Variants in STRN3 observed in about 807,000 individuals in gnomAD.
STRN3 encodes striatin 3.
STRN3 carries 29 observed loss-of-function variants against 95.6 expected under a neutral mutation model. The observed-to-expected ratio is 0.30, with a 90% confidence interval of 0.23 to 0.41. The LOEUF (loss-of-function observed/expected upper bound fraction) is 0.41. Ranked by LOEUF, STRN3 falls within the 10% of genes least tolerant of loss-of-function variation. The pLI is 1.00. For missense variants in STRN3, 890 were observed against 972.1 expected, an observed-to-expected ratio of 0.92 and a Z score of 1.12; for synonymous variants, 331 against 357.6, an observed-to-expected ratio of 0.93 and a Z score of 0.84.
At chr14:30,929,882 C>T (rs1414522941) in intron 7 of STRN3, among the ~76,000 whole-genome samples, 1 of 146,938 alleles carries the variant, frequency 6.8e-6, no homozygotes, top group Non-Finnish European at 1.5e-5. Context: ...TTCAGAGTCC[C>T]ACCTCTGCCC....
intron 1 of STRN3, among the ~76,000 whole-genome samples, chr14:30,972,770 C>T (rs1880898956): frequency 6.6e-6 from 1 of 152,210 alleles, no homozygotes. Context: ...TGCGCCACTG[C>T]ACTCCAGCTG....
intron 16 of STRN3, among the ~76,000 whole-genome samples, chr14:30,897,532 C>T (rs1314570574): frequency 6.6e-6 from 1 of 152,214 alleles, no homozygotes; most frequent in African/African-American, 2.4e-5. Context: ...CTGCAGTGAG[C>T]TGAGATCGTG....
At chr14:30,958,088 A>G (rs994755746) in intron 1 of STRN3, among the ~76,000 whole-genome samples, 1 of 152,228 alleles carries the variant, frequency 6.6e-6, no homozygotes, top group South Asian at 2.1e-4. Context: ...ACACCTGAGA[A>G]GCTATAAACA....
chr14:30,914,131 A>G (rs947644712), intron 9 of STRN3, among the ~76,000 whole-genome samples: 1 of 152,228 alleles, frequency 6.6e-6, no homozygotes, highest in African/African-American at 2.4e-5. Flanking sequence ...CTTTCTAAAG[A>G]AGTACTAGGC....
chr14:30,989,753 C>A (rs937145489), intron 1 of STRN3, among the ~76,000 whole-genome samples: 1 of 151,972 alleles, frequency 6.6e-6, no homozygotes, highest in South Asian at 2.1e-4. Context: ...CCACCGCGCC[C>A]GGACAAAACA....
At chr14:31,000,031 A>G (rs767874817) in intron 1 of STRN3, among the ~76,000 whole-genome samples, 8 of 152,222 alleles carry the variant, frequency 5.3e-5, no homozygotes, top group Admixed American at 2.0e-4. Context: ...ATATCCAACA[A>G]AACTATCCTT....
At chr14:30,973,590 GAA>G (rs1164953895) in intron 1 of STRN3, among the ~76,000 whole-genome samples, 3 of 152,062 alleles carry the variant, frequency 2.0e-5, no homozygotes, top group African/African-American at 7.2e-5. Context: ...CCAAAAATCT[GAA>G]GAGAAGGGAA....
At chr14:30,977,687 AGAGGCT>A (rs1480841776) in intron 1 of STRN3, among the ~76,000 whole-genome samples, 1 of 149,370 alleles carries the variant, frequency 6.7e-6, no homozygotes, top group Non-Finnish European at 1.5e-5. Context: ...CAGCTACTCG[AGAGGCT>A]GAGGCAGGAG....
At chr14:30,948,374 A>G (rs1288007395) in intron 4 of STRN3, among the ~76,000 whole-genome samples, 5 of 152,186 alleles carry the variant, frequency 3.3e-5, no homozygotes, top group Non-Finnish European at 5.9e-5. Flanking sequence ...TAATATTTGA[A>G]GCCATGGATT....
At chr14:30,999,024 A>G (rs139278670) in intron 1 of STRN3, among the ~76,000 whole-genome samples, 1 of 152,324 alleles carries the variant, frequency 6.6e-6, no homozygotes, top group East Asian at 1.9e-4. Context: ...AGCAGTCAAT[A>G]TAAACTACTC....
intron 16 of STRN3, among the ~76,000 whole-genome samples, chr14:30,900,818 G>T (rs1294270944): frequency 2.0e-5 from 3 of 151,814 alleles, no homozygotes; most frequent in Non-Finnish European, 4.4e-5. Context: ...CATACTACAG[G>T]TAAGGTACTA....
chr14:30,905,960 T>G (rs1484707737), intron 14 of STRN3, among the ~76,000 whole-genome samples: 1 of 152,194 alleles, frequency 6.6e-6, no homozygotes, highest in Non-Finnish European at 1.5e-5. Context: ...GGTTCACCTA[T>G]CAGAGATCTG....
At chr14:31,016,017 C>T (rs1883221757) in intron 1 of STRN3, among the ~76,000 whole-genome samples, 1 of 152,194 alleles carries the variant, frequency 6.6e-6, no homozygotes, top group Admixed American at 6.6e-5. Flanking sequence ...TGAGATACCA[C>T]TGCATAACTA....
chr14:30,956,372 G>A (rs986840272), intron 1 of STRN3, 130 bp from the exon 2 acceptor site: 18 of 870,814 alleles, frequency 2.1e-5, no homozygotes, highest in East Asian at 1.9e-4. Flanking sequence ...TCATAAAAAC[G>A]GGCCAGGCAA....
intron 16 of STRN3, among the ~76,000 whole-genome samples, chr14:30,900,141 T>C (rs1237141584): frequency 1.3e-5 from 2 of 152,004 alleles, no homozygotes; most frequent in Non-Finnish European, 2.9e-5. Context: ...GCGGATCACC[T>C]GAGGTCAGGA....
At chr14:30,956,509 C>A (rs1879912567) in intron 1 of STRN3, among the ~76,000 whole-genome samples, 1 of 152,066 alleles carries the variant, frequency 6.6e-6, no homozygotes, top group Non-Finnish European at 1.5e-5. Flanking sequence ...TTTAAATTGG[C>A]CAGGTTTAGT....
At chr14:31,008,689 G>T (rs1272151497) in intron 1 of STRN3, among the ~76,000 whole-genome samples, 1 of 152,082 alleles carries the variant, frequency 6.6e-6, no homozygotes. Context: ...ACTGAGTAGG[G>T]AACAACCATT....
At chr14:30,992,139 G>A (rs944781360) in intron 1 of STRN3, among the ~76,000 whole-genome samples, 2 of 152,126 alleles carry the variant, frequency 1.3e-5, no homozygotes, top group Admixed American at 1.3e-4. Flanking sequence ...GCCGGGTGCA[G>A]TGGCTCATGC....
chr14:31,002,064 G>A (rs1882478529), intron 1 of STRN3, among the ~76,000 whole-genome samples: 5 of 151,312 alleles, frequency 3.3e-5, no homozygotes, highest in Admixed American at 3.3e-4. Flanking sequence ...TACTCGGGAG[G>A]CTGAGGCAGG....
Sources: gnomAD v4.1 joint callset for allele counts (sites outside exome capture counted in the v4.1 genomes callset) on GRCh38, gnomAD v4.1.1 for gene constraint, MANE v1.5 for transcripts, NCBI Gene and HGNC (gene_info 2026-07-23, HGNC 2026-07-21) for gene names.